SETMAR: variants seen among roughly 807,000 people sequenced by gnomAD.
The protein encoded by SETMAR is histone-lysine N-methyltransferase SETMAR.
A neutral mutation model predicts 58.4 loss-of-function variants in SETMAR; 44 were observed. The observed-to-expected ratio is 0.75, with a 90% CI of 0.59 to 0.97. The LOEUF (loss-of-function observed/expected upper bound fraction) is 0.97. SETMAR is among the 50% of genes least tolerant of loss of function. The pLI is 0.00. For synonymous variants in SETMAR, 332 were observed against 307.4 expected (o/e 1.08, Z -0.84); for missense variants, 903 against 840.2 (o/e 1.07, Z -0.92).
At chr3:4,309,832 TTTCAGATACAATTATAC>T (rs1262039759) in intron 1 of SETMAR, among the ~76,000 whole-genome samples, 4 of 152,352 alleles carry the variant, frequency 2.6e-5, no homozygotes, top group Non-Finnish European at 5.9e-5. Flanking sequence ...TTACATTAGC[TTTCAGATACAATTATAC>T]TTCAGATACA....
rs762209774 is a variant in SETMAR, at chr3:4,313,662, C to T, written c.921C>T (p.Pro307=). The T allele has an allele frequency of 6.2e-6, 10 of 1,613,968 alleles. No homozygotes were observed. Among genetic ancestry groups the T allele is most frequent in the South Asian group, 3.3e-5 (3 of 91,072 alleles). The change falls in exon 2 of 3, where the codon CCC becomes CCT. Residue 307 remains proline, a synonymous_variant. Coordinates refer to ENST00000358065, the MANE Select transcript of SETMAR (RefSeq NM_006515.4). ...FLPFDSSLYC[P]VEKSNISCGN... Reference sequence around the variant, plus strand: ...CTTTTGACAGTTCTCTGTACTGCCCCGTAGAAAAGTCGAACATCAGTTGTG... The same window carrying T: ...CTTTTGACAGTTCTCTGTACTGCCCTGTAGAAAAGTCGAACATCAGTTGTG...
rs936088309 is a variant in SETMAR at position 4,313,416 on chromosome 3, T to C, written c.675T>C (p.Ser225=). The part of the protein sequence containing the change: ...IGNIGRFLNH[S]CEPNLLMIPV... ...ATATTGGAAGATTCCTTAATCATTC[T>C]TGTGAGCCAAACCTTTTGATGATTC... Residue 225 remains serine (S), a synonymous_variant, in exon 2 of 3, where the codon TCT becomes TCC. Transcript: ENST00000358065. The C allele has an allele frequency of 2.5e-6, 4 of 1,614,056 alleles. No individual in the cohort carries two copies. The highest frequency in any genetic ancestry group is 1.7e-5 in the Admixed American group (1 of 60,004).
At chr3:4,304,954 C>T (rs556690984) in intron 1 of SETMAR, among the ~76,000 whole-genome samples, 2 of 146,614 alleles carry the variant, frequency 1.4e-5, no homozygotes, top group Admixed American at 6.9e-5. Flanking sequence ...GTTCAGAAGG[C>T]GGGGCAACTC....
chr3:4,307,961 C>T (rs1698255984), intron 1 of SETMAR, among the ~76,000 whole-genome samples: 1 of 151,998 alleles, frequency 6.6e-6, no homozygotes, highest in South Asian at 2.1e-4. Flanking sequence ...ACCTTGAGCC[C>T]AGCAGTTGGA....
chr3:4,315,612 A>T (rs889642556), intron 2 of SETMAR, among the ~76,000 whole-genome samples: 3 of 152,224 alleles, frequency 2.0e-5, no homozygotes, highest in African/African-American at 7.2e-5. Flanking sequence ...CTAAGCAGCA[A>T]GTTAACTGCA....
chr3:4,316,841 C>G lies in SETMAR; in HGVS notation c.1650C>G (p.Pro550=), dbSNP rs765548354. 1 of 1,550,136 alleles carries G rather than the reference C, an allele frequency of 6.5e-7. No homozygotes were observed. Among genetic ancestry groups the G allele is most frequent in the Non-Finnish European group, 8.7e-7 (1 of 1,146,732 alleles). The change falls in exon 3 of 3, where the codon CCC becomes CCG. Residue 550 remains proline (P), a synonymous_variant. Coordinates refer to ENST00000358065, the MANE Select transcript of SETMAR (RefSeq NM_006515.4). ...AGLIHYSFLN[P]GETITSEKYA... The stretch of plus-strand genomic sequence containing the variant: ...TGATCCACTACAGCTTTCTGAATCC[C>G]GGTGAAACCATTACATCTGAGAAGT...
intron 1 of SETMAR, among the ~76,000 whole-genome samples, chr3:4,304,651 C>A (rs1232139839): frequency 1.3e-5 from 2 of 152,196 alleles, no homozygotes; most frequent in African/African-American, 4.8e-5. Flanking sequence ...CTTTAACATC[C>A]ATTATCAACA....
In SETMAR at chr3:4,303,399, G is replaced by T. The variant is rs766385284; in HGVS notation, c.29G>T (p.Arg10Leu). ...TTCGCGGAAGCGGCAAAGACGACAC[G>T]GCCTTGTGGGATGGCGGAGTTTAAG... MFAEAAKTT[R>L]PCGMAEFKEK... The change falls in exon 1 of 3, where the codon CGG becomes CTG. Residue 10 changes from arginine to leucine, a missense_variant. Arg to Leu is a moderately radical substitution (Grantham distance 102). Transcript: ENST00000358065. 1 of 1,558,224 alleles carries T rather than the reference G, an allele frequency of 6.4e-7. No homozygotes were observed. The highest frequency in any genetic ancestry group is 8.6e-7 in the Non-Finnish European group (1 of 1,156,408).
At chr3:4,306,032 A>T (rs1023134537) in intron 1 of SETMAR, among the ~76,000 whole-genome samples, 2 of 151,978 alleles carry the variant, frequency 1.3e-5, no homozygotes, top group Admixed American at 6.6e-5. Context: ...TTGAGAGCTA[A>T]ATATATGCAA....
intron 1 of SETMAR, chr3:4,303,929 C>T (rs959418974): frequency 1.7e-5 from 20 of 1,168,208 alleles, no homozygotes; most frequent in Non-Finnish European, 2.2e-5. Context: ...AAAAACAGCC[C>T]CTCGAGTCAG....
Position 4,316,214 on chromosome 3 carries a change from T to C in SETMAR, c.1023T>C (p.Thr341=). The change falls in exon 3 of 3, where the codon ACT becomes ACC. Residue 341 remains threonine (T), a splice_region_variant and synonymous_variant. Coordinates refer to ENST00000358065, the MANE Select transcript of SETMAR (RefSeq NM_006515.4). ...CTTGCTGTTTATGTTTATTTTAGAC[T>C]ATGAAAATGATGTTAGACAAAAAGC... ...FPSCKRLTLE[T]MKMMLDKKQI... The C allele has an allele frequency of 1.4e-6, 1 of 697,916 alleles. No individual in the cohort carries two copies. The highest frequency in any genetic ancestry group is 2.6e-6 in the Non-Finnish European group (1 of 385,914). The allele number at this position is 697,916 out of a possible 1,614,324, so 43.2% of individuals were successfully genotyped here.
chr3:4,316,789 T>C lies in SETMAR; in HGVS notation c.1598T>C (p.Val533Ala). Residue 533 changes from valine to alanine, a missense_variant, in exon 3 of 3, where the codon GTC becomes GCC. Transcript: ENST00000358065. ...ATCTTGCACCCAAAAAAGGTCATGG[T>C]CACTATTTGGTGGTCTGCTGCTGGT... ...KPILHPKKVM[V>A]TIWWSAAGLI... 1 of 1,550,780 alleles carries C rather than the reference T, an allele frequency of 6.4e-7. No individual in the cohort carries two copies. Among genetic ancestry groups the C allele is most frequent in the Non-Finnish European group, 8.7e-7 (1 of 1,146,732 alleles).
Position 4,303,451 on chromosome 3 carries a change from G to C in SETMAR, c.81G>C (p.Gln27His), listed in dbSNP as rs1246841098. The C allele has an allele frequency of 1.3e-6, 2 of 1,540,694 alleles. No individual in the cohort carries two copies. Among genetic ancestry groups the C allele is most frequent in the Admixed American group, 4.2e-5 (2 of 47,430 alleles). The change falls in exon 1 of 3, where the codon CAG becomes CAC. Residue 27 changes from glutamine (Q) to histidine (H), a missense_variant. Physicochemically the swap from Gln to His is conservative, Grantham distance 24. Coordinates refer to ENST00000358065, the MANE Select transcript of SETMAR (RefSeq NM_006515.4). ...FKEKPEAPTEQLDVACGQENL... is the reference protein window; with the variant it reads ...FKEKPEAPTEHLDVACGQENL... ...AGAAGCCTGAGGCCCCGACTGAGCA[G>C]CTGGATGTCGCGTGCGGCCAGGAAA... is the stretch of plus-strand genomic sequence containing the variant.
rs147794212 is a variant in SETMAR at position 4,310,984 on chromosome 3, C to T, written c.157-1914C>T. Reference sequence around the variant, plus strand: ...AGTAGATTCTCTATAAAACAGCAGTCGTTGAGTTTGACTGATAGAGCATCA... The same window carrying T: ...AGTAGATTCTCTATAAAACAGCAGTTGTTGAGTTTGACTGATAGAGCATCA... On this transcript the variant is annotated intron_variant, in intron 1 of 2. Transcript: ENST00000358065. Among the ~76,000 whole-genome samples, 707 of 152,314 alleles carry T rather than the reference C, an allele frequency of 4.6e-3. 4 individuals are homozygous for T. The highest frequency in any genetic ancestry group is 0.01 in the Middle Eastern group (3 of 294).
chr3:4,309,497 A>T (rs915180288), intron 1 of SETMAR, among the ~76,000 whole-genome samples: 2 of 152,202 alleles, frequency 1.3e-5, no homozygotes, highest in African/African-American at 4.8e-5. Context: ...CAAGAAACAT[A>T]ACACAAACTG....
chr3:4,313,793 C>T (rs200072975), intron 2 of SETMAR, 32 bp downstream of exon 2: 1 of 1,613,020 alleles, frequency 6.2e-7, no homozygotes, highest in East Asian at 2.2e-5. Context: ...CAGCTTGCCC[C>T]TCCCTATAGT....
intron 1 of SETMAR, chr3:4,303,825 C>A (rs1559211216): frequency 1.5e-6 from 2 of 1,362,950 alleles, no homozygotes; most frequent in East Asian, 8.9e-5. Flanking sequence ...GGAGGCATCA[C>A]GGGGGGAGTC....
chr3:4,310,840 C>CAAATCA, intron 1 of SETMAR, among the ~76,000 whole-genome samples: 1 of 151,954 alleles, frequency 6.6e-6, no homozygotes, highest in Non-Finnish European at 1.5e-5. Flanking sequence ...CCTTTAATGA[C>CAAATCA]AAATCAACTT....
chr3:4,313,097 A>G lies in SETMAR; in HGVS notation c.356A>G (p.Asn119Ser), dbSNP rs1366060075. Residue 119 changes from asparagine (N) to serine (S), a missense_variant, in exon 2 of 3, where the codon AAT (asparagine) becomes AGT (serine). Physicochemically the swap from Asn to Ser is conservative, Grantham distance 46. Transcript: ENST00000358065. ...GKYAEPVFECNVLCRCSDHCR... is the reference protein window; with the variant it reads ...GKYAEPVFECSVLCRCSDHCR... ...TATGCAGAGCCTGTTTTTGAATGCA[A>G]TGTCCTGTGCCGATGCAGTGACCAC... 1 of 1,614,018 alleles carries G rather than the reference A, an allele frequency of 6.2e-7. No individual in the cohort carries two copies. Among genetic ancestry groups the G allele is most frequent in the Admixed American group, 1.7e-5 (1 of 59,958 alleles).
Sources: allele counts gnomAD v4.1 joint callset (sites outside exome capture counted in the v4.1 genomes callset), GRCh38; gene constraint gnomAD v4.1.1; transcripts MANE v1.5; gene names NCBI Gene and HGNC (gene_info 2026-07-23, HGNC 2026-07-21).